Variants in DGCR2 observed in about 807,000 individuals in gnomAD.
The protein encoded by DGCR2 is integral membrane protein DGCR2/IDD.
In DGCR2, 24 loss-of-function variants were observed where a neutral mutation model predicts 51.6. That is an observed-to-expected ratio of 0.47 (90% confidence interval 0.34 to 0.65). DGCR2 has a LOEUF of 0.65. Ranked by LOEUF, DGCR2 falls within the 30% of genes least tolerant of loss-of-function variation. The probability of loss-of-function intolerance (pLI) is 0.01; values close to 1 mark genes in which losing one functional copy is unlikely to be tolerated. For synonymous variants in DGCR2, 340 were observed against 315.4 expected (o/e 1.08, Z -0.82); for missense variants, 765 against 772.1 (o/e 0.99, Z 0.11).
rs774122959 is a variant in DGCR2, at chr22:19,039,119, C to T, written c.1399G>A (p.Asp467Asn). 3 of 1,612,814 alleles carry T rather than the reference C, an allele frequency of 1.9e-6. No homozygotes were observed. Among genetic ancestry groups the T allele is most frequent in the Non-Finnish European group, 2.5e-6 (3 of 1,179,928 alleles). ...ACCTCCACAGGCTCAAAAGCATCAT[C>T]GTCTGCAGGAAGAGACAGAGGGGTG... is the stretch of plus-strand genomic sequence containing the variant. The part of the protein sequence containing the change: ...PDSVFYDPAD[D>N]DAFEPVEVSL... Residue 467 changes from aspartate (D) to asparagine (N), a missense_variant and splice_region_variant, in exon 10 of 10, where the codon GAT (aspartate) becomes AAT (asparagine). Transcript: ENST00000263196.
intron 1 of DGCR2, among the ~76,000 whole-genome samples, chr22:19,090,158 G>C (rs1337132592): frequency 6.6e-6 from 1 of 152,106 alleles, no homozygotes; most frequent in African/African-American, 2.4e-5. Context: ...GAAACACTCT[G>C]AACTAAAACA....
intron 1 of DGCR2, among the ~76,000 whole-genome samples, chr22:19,119,415 C>T (rs773908137): frequency 1.3e-5 from 2 of 152,114 alleles, no homozygotes; most frequent in Non-Finnish European, 2.9e-5. Context: ...GCACATGACA[C>T]ATCTTAAATC....
intron 1 of DGCR2, among the ~76,000 whole-genome samples, chr22:19,119,573 TA>T (rs1292016063): frequency 3.3e-5 from 5 of 151,764 alleles, no homozygotes; most frequent in Non-Finnish European, 1.5e-5. Context: ...CCATCTCTAC[TA>T]AAAATACAAA....
chr22:19,092,638 A>G (rs1035765453), intron 1 of DGCR2, among the ~76,000 whole-genome samples: 1 of 152,204 alleles, frequency 6.6e-6, no homozygotes, highest in African/African-American at 2.4e-5. Flanking sequence ...CAAATATTTA[A>G]GGAAGAATTG....
chr22:19,063,229 C>A lies in DGCR2; in HGVS notation c.598G>T (p.Glu200Ter). The A allele has an allele frequency of 1.2e-6, 2 of 1,614,228 alleles. No individual in the cohort carries two copies. The highest frequency in any genetic ancestry group is 1.7e-6 in the Non-Finnish European group (2 of 1,180,040). Residue 200 changes from glutamate (E) to a stop codon, truncating the protein, a stop_gained, in exon 5 of 10, where the codon GAA becomes TAA. Coordinates refer to ENST00000263196, the MANE Select transcript of DGCR2 (RefSeq NM_005137.3). LOFTEE classifies it high-confidence loss of function. Reference protein sequence around the residue: ...YVITGRNRSLEGRWEVAFKGS... With the variant: ...YVITGRNRSL The stretch of plus-strand genomic sequence containing the variant: ...TTGAATGCCACCTCCCAGCGACCTT[C>A]CAAGGAGCGGTTCCGGCCAGTGATA...
intron 4 of DGCR2, among the ~76,000 whole-genome samples, chr22:19,064,351 A>G (rs972935228): frequency 6.6e-6 from 1 of 152,246 alleles, no homozygotes; most frequent in East Asian, 1.9e-4. Flanking sequence ...TAGCTGCAGA[A>G]GGAAAAACAA....
chr22:19,083,486 C>T (rs559738442), intron 2 of DGCR2, among the ~76,000 whole-genome samples: 3 of 152,264 alleles, frequency 2.0e-5, no homozygotes, highest in Admixed American at 2.0e-4. Context: ...ATAAAACTCA[C>T]GGAGCTTTAA....
Position 19,041,069 on chromosome 22 carries a change from T to C in DGCR2, c.1385A>G (p.Tyr462Cys), listed in dbSNP as rs372764471. ...EASIHPDSVF[Y>C]DPADDDAFEP... Reference sequence around the variant, plus strand: ...GGGGAGTCAGGCACCTGCAGGGTCATAGAACACACTGTCCGGGTGGATGGA... The same window carrying C: ...GGGGAGTCAGGCACCTGCAGGGTCACAGAACACACTGTCCGGGTGGATGGA... The change falls in exon 9 of 10, where the codon TAT (tyrosine) becomes TGT (cysteine). Residue 462 changes from tyrosine (Y) to cysteine (C), a missense_variant. Tyr to Cys is a radical substitution (Grantham distance 194). This residue lies in a region of DGCR2 where 205 missense variants were observed against 181.4 expected (regional missense o/e 1.13). Transcript: ENST00000263196. The C allele has an allele frequency of 1.7e-5, 28 of 1,603,502 alleles. No homozygotes were observed. Among genetic ancestry groups the C allele is most frequent in the African/African-American group, 1.6e-4 (12 of 74,812 alleles).
chr22:19,096,109 C>T (rs544756440), intron 1 of DGCR2, among the ~76,000 whole-genome samples: 1 of 152,326 alleles, frequency 6.6e-6, no homozygotes, highest in Admixed American at 6.5e-5. Flanking sequence ...AGACCAAGAA[C>T]CTGGAACCCT....
At chr22:19,051,960 A>G (rs1302222795) in intron 6 of DGCR2, among the ~76,000 whole-genome samples, 4 of 152,192 alleles carry the variant, frequency 2.6e-5, no homozygotes. Flanking sequence ...GGATATGGAG[A>G]AATTAAATCA....
chr22:19,070,307 G>C (rs762187556), intron 2 of DGCR2, among the ~76,000 whole-genome samples: 5 of 152,220 alleles, frequency 3.3e-5, no homozygotes, highest in African/African-American at 9.6e-5. Flanking sequence ...CTTTCTGGCA[G>C]ATGGAGCAGC....
At chr22:19,080,771 G>C (rs1365158935) in intron 2 of DGCR2, among the ~76,000 whole-genome samples, 1 of 152,198 alleles carries the variant, frequency 6.6e-6, no homozygotes, top group African/African-American at 2.4e-5. Context: ...AGGGGTTTGA[G>C]GTTGCATTCA....
intron 1 of DGCR2, among the ~76,000 whole-genome samples, chr22:19,090,368 T>C (rs750957343): frequency 6.6e-6 from 1 of 151,964 alleles, no homozygotes; most frequent in Non-Finnish European, 1.5e-5. Flanking sequence ...ACAATACAAT[T>C]CCAAGTCACA....
chr22:19,074,691 C>T (rs1274394884), intron 2 of DGCR2, among the ~76,000 whole-genome samples: 2 of 152,150 alleles, frequency 1.3e-5, no homozygotes, highest in East Asian at 3.8e-4. Flanking sequence ...AAAAGACTTA[C>T]AGAATCATTT....
intron 1 of DGCR2, among the ~76,000 whole-genome samples, chr22:19,097,502 A>AAT (rs1188822289): frequency 6.6e-6 from 1 of 152,064 alleles, no homozygotes; most frequent in African/African-American, 2.4e-5. Context: ...CAGTAAGCTG[A>AAT]GATTGCACCA....
chr22:19,079,800 G>A (rs2082916391), intron 2 of DGCR2, among the ~76,000 whole-genome samples: 1 of 152,250 alleles, frequency 6.6e-6, no homozygotes, highest in Admixed American at 6.5e-5. Flanking sequence ...ATGACATACA[G>A]CAGAGCTGGC....
intron 1 of DGCR2, among the ~76,000 whole-genome samples, chr22:19,100,591 G>A (rs1344247690): frequency 2.7e-5 from 4 of 150,336 alleles, no homozygotes; most frequent in African/African-American, 4.9e-5. Flanking sequence ...GCTTGAATCC[G>A]GGAGACGGAG....
intron 1 of DGCR2, among the ~76,000 whole-genome samples, chr22:19,119,486 A>G (rs947491934): frequency 2.0e-5 from 3 of 152,220 alleles, no homozygotes; most frequent in African/African-American, 7.2e-5. Context: ...CTGTAATTCC[A>G]GCACTTTGGG....
At chr22:19,043,672 C>A (rs772750791) in intron 7 of DGCR2, among the ~76,000 whole-genome samples, 10 of 151,220 alleles carry the variant, frequency 6.6e-5, no homozygotes, top group Non-Finnish European at 1.3e-4. Flanking sequence ...AATGGCCACT[C>A]CCACCTCTGC....
Sources: gnomAD v4.1 joint callset for allele counts (sites outside exome capture counted in the v4.1 genomes callset) on GRCh38, gnomAD v4.1.1 for gene constraint, gnomAD v4.1.1 regional missense constraint, MANE v1.5 for transcripts, NCBI Gene and HGNC (gene_info 2026-07-23, HGNC 2026-07-21) for gene names.